The following GRIN2B variants were observed in gnomAD, a reference collection of about 807,000 sequenced individuals.
GRIN2B encodes glutamate ionotropic receptor NMDA type subunit 2B.
A neutral mutation model predicts 114.5 loss-of-function variants in GRIN2B; 5 were observed. That is an observed-to-expected ratio of 0.04 (90% CI 0.02 to 0.09). GRIN2B has a LOEUF of 0.09. Among genes scored for constraint, GRIN2B ranks in the 10% least tolerant of loss-of-function variants. GRIN2B has a pLI of 1.00. For synonymous variants in GRIN2B, 787 were observed against 745.1 expected (o/e 1.06, Z -0.92); for missense variants, 1,108 against 1,943.5 (o/e 0.57, Z 8.08).
chr12:13,739,118 C>T (rs558599065), intron 4 of GRIN2B, among the ~76,000 whole-genome samples: 55 of 152,148 alleles, frequency 3.6e-4, no homozygotes, highest in East Asian at 1.2e-3. Context: ...TGGTGGCTCA[C>T]GCCTGTAATC....
chr12:13,612,451 G>A (rs1949378435), intron 8 of GRIN2B, among the ~76,000 whole-genome samples: 1 of 151,974 alleles, frequency 6.6e-6, no homozygotes, highest in African/African-American at 2.4e-5. Flanking sequence ...ACATCATTAG[G>A]GTATGAGAAT....
chr12:13,600,895 T>C (rs1805518), intron 10 of GRIN2B, among the ~76,000 whole-genome samples: 2 of 151,962 alleles, frequency 1.3e-5, no homozygotes, highest in Non-Finnish European at 2.9e-5. Context: ...AGGTTTTGTA[T>C]TGTCTCCCTA....
intron 4 of GRIN2B, chr12:13,683,627 T>A (rs723096): frequency 0.48 from 75,981 of 157,456 alleles, 18,798 homozygotes; most frequent in Middle Eastern, 0.57. Context: ...TAGGCGGGTG[T>A]CCCCTTCCTC....
chr12:13,726,662 T>A (rs1347918032), intron 4 of GRIN2B, among the ~76,000 whole-genome samples: 2 of 151,368 alleles, frequency 1.3e-5, no homozygotes, highest in Non-Finnish European at 2.9e-5. Context: ...TGTATTTTTT[T>A]AAATTTACTT....
chr12:13,597,497 G>A (rs1201686218), intron 10 of GRIN2B, among the ~76,000 whole-genome samples: 2 of 152,188 alleles, frequency 1.3e-5, no homozygotes, highest in African/African-American at 4.8e-5. Context: ...GGGCCAAGCG[G>A]GGACCATCCC....
Position 13,546,444 on chromosome 12 carries a change from T to G in GRIN2B, c.*16339A>C, listed in dbSNP as rs1391314771. On this transcript the variant is annotated 3_prime_UTR_variant, in exon 14 of 14. Coordinates refer to ENST00000609686, the MANE Select transcript of GRIN2B (RefSeq NM_000834.5). ...GCCAGAGCTCACAGGGAATGACAAA[T>G]CTCTGAGGGAATACACCAGAGCATC... 2 of 152,302 alleles carry G rather than the reference T, an allele frequency of 1.3e-5. No individual in the cohort carries two copies. The highest frequency in any genetic ancestry group is 6.5e-5 in the Admixed American group (1 of 15,306). The allele number at this position is 152,302 out of a possible 1,614,324, so 9.4% of individuals were successfully genotyped here. A position where few individuals can be genotyped will look rare whatever the true frequency, so the allele number is the denominator to read the frequency against.
intron 3 of GRIN2B, among the ~76,000 whole-genome samples, chr12:13,834,894 T>C (rs918457789): frequency 5.9e-5 from 9 of 152,198 alleles, no homozygotes; most frequent in Non-Finnish European, 1.2e-4. Flanking sequence ...TCAGACTCTT[T>C]ATGGGAGCGA....
intron 3 of GRIN2B, among the ~76,000 whole-genome samples, chr12:13,764,333 G>T (rs1252669988): frequency 6.6e-6 from 1 of 152,124 alleles, no homozygotes; most frequent in Non-Finnish European, 1.5e-5. Flanking sequence ...AGCCCATCTT[G>T]TCCCTCCTTG....
chr12:13,702,663 G>C (rs1950323452), intron 4 of GRIN2B, among the ~76,000 whole-genome samples: 1 of 152,148 alleles, frequency 6.6e-6, no homozygotes, highest in Admixed American at 6.6e-5. Context: ...ATTATAACCA[G>C]GGATTCAACT....
rs556460564 is a variant in GRIN2B, at chr12:13,627,877, G to A, written c.1126-11220C>T. 1.3e-3 allele frequency among the ~76,000 whole-genome samples: 196 copies of A among 152,282 alleles called. 2 individuals carry two copies. The highest frequency in any genetic ancestry group is 4.0e-3 in the African/African-American group (168 of 41,560). ...AGGTGCAGTCATTTGCATGCCTTCCGTCTCCTCTTCTATTCCCCATGCACT... is the reference window on the plus strand; with the variant it reads ...AGGTGCAGTCATTTGCATGCCTTCCATCTCCTCTTCTATTCCCCATGCACT... On this transcript the variant is annotated intron_variant, in intron 5 of 13. Transcript: ENST00000609686.
rs1329775854 is a variant in GRIN2B at position 13,980,033 on chromosome 12, A to G, written c.-124T>C. On this transcript the variant is annotated 5_prime_UTR_variant, in exon 2 of 14. Coordinates refer to ENST00000609686, the MANE Select transcript of GRIN2B (RefSeq NM_000834.5). ...CTTGCATATCCACATAAGAAAGACG[A>G]AGGATAAATGAACGGAAGATAATTT... The G allele has an allele frequency of 6.6e-6, 1 of 152,240 alleles. No homozygotes were observed. The highest frequency in any genetic ancestry group is 1.5e-5 in the Non-Finnish European group (1 of 68,040). 9.4% of individuals were successfully genotyped at this position (152,240 alleles called of 1,614,324 possible).
Position 13,564,291 on chromosome 12 carries a change from C to T in GRIN2B, c.2947G>A (p.Asp983Asn). The T allele has an allele frequency of 6.2e-7, 1 of 1,614,172 alleles. No homozygotes were observed. Among genetic ancestry groups the T allele is most frequent in the Non-Finnish European group, 8.5e-7 (1 of 1,180,028 alleles). Residue 983 changes from aspartate (D) to asparagine (N), a missense_variant, in exon 14 of 14, where the codon GAT (aspartate) becomes AAT (asparagine). Physicochemically the swap from Asp to Asn is conservative, Grantham distance 23. This residue lies in a region of GRIN2B where 140 missense variants were observed against 187.5 expected (regional missense o/e 0.75). Transcript: ENST00000609686. The surrounding 1 kb of genome is among the most constrained non-coding windows in gnomAD (Gnocchi z 4.8). ...GGCCGGTGGTGATGGTGGTAGTGAT[C>T]TTGGTACACGTTGCTGTCCTTCAGC... ...LQLKDSNVYQDHYHHHHRPHS... is the reference protein window; with the variant it reads ...LQLKDSNVYQNHYHHHHRPHS...
At chr12:13,652,473 G>A (rs1949823830) in intron 5 of GRIN2B, among the ~76,000 whole-genome samples, 1 of 151,938 alleles carries the variant, frequency 6.6e-6, no homozygotes, top group South Asian at 2.1e-4. Flanking sequence ...TTAGCCAAGT[G>A]CTAACAGTCT....
intron 3 of GRIN2B, among the ~76,000 whole-genome samples, chr12:13,817,400 A>G (rs541613268): frequency 6.6e-6 from 1 of 152,288 alleles, no homozygotes; most frequent in African/African-American, 2.4e-5. Flanking sequence ...GACAGGGCAT[A>G]TCAGAAAGGC....
At chr12:13,661,607 G>C (rs1224453381) in intron 5 of GRIN2B, among the ~76,000 whole-genome samples, 1 of 152,060 alleles carries the variant, frequency 6.6e-6, no homozygotes, top group African/African-American at 2.4e-5. Context: ...TTTTAAGCAG[G>C]GAATGACTCT....
At chr12:13,902,264 T>A (rs1003194052) in intron 2 of GRIN2B, among the ~76,000 whole-genome samples, 8 of 152,158 alleles carry the variant, frequency 5.3e-5, no homozygotes, top group Admixed American at 2.0e-4. Flanking sequence ...ATTTGTTAAA[T>A]TCTGAAAAAA....
intron 2 of GRIN2B, among the ~76,000 whole-genome samples, chr12:13,917,494 G>C (rs940999894): frequency 6.6e-6 from 1 of 152,122 alleles, no homozygotes; most frequent in African/African-American, 2.4e-5. Context: ...AATGTCAGGA[G>C]GCTAAAAGCA....
At chr12:13,864,180 G>A (rs1042027847) in intron 3 of GRIN2B, among the ~76,000 whole-genome samples, 1 of 152,086 alleles carries the variant, frequency 6.6e-6, no homozygotes, top group Non-Finnish European at 1.5e-5. Context: ...ATATGATACT[G>A]GAATGTCTTC....
chr12:13,929,862 A>T (rs1266751633), intron 2 of GRIN2B, among the ~76,000 whole-genome samples: 1 of 152,208 alleles, frequency 6.6e-6, no homozygotes, highest in East Asian at 1.9e-4. Flanking sequence ...GATACATATT[A>T]AAGCACTCCA....
Sources: allele counts gnomAD v4.1 joint callset (sites outside exome capture counted in the v4.1 genomes callset), GRCh38; gene constraint gnomAD v4.1.1; regional missense constraint gnomAD v4.1.1; non-coding constraint Gnocchi (gnomAD v3.1); transcripts MANE v1.5; gene names NCBI Gene and HGNC (gene_info 2026-07-23, HGNC 2026-07-21).